Variants in ATP10B observed in about 807,000 individuals in gnomAD.
ATP10B encodes the protein ATPase phospholipid transporting 10B (putative), also known as phospholipid-transporting ATPase VB.
In ATP10B, 122 loss-of-function variants were observed where a neutral mutation model predicts 141.2. That is an observed-to-expected ratio of 0.86 (90% CI 0.75 to 1.00). The LOEUF (loss-of-function observed/expected upper bound fraction) is 1.00. Ranked by LOEUF, ATP10B falls within the 50% of genes least tolerant of loss-of-function variation. ATP10B has a pLI of 0.00. For synonymous variants in ATP10B, 685 were observed against 692.0 expected (o/e 0.99, Z 0.16); for missense variants, 1,876 against 1,825.3 (o/e 1.03, Z -0.51).
At chr5:160,826,575 G>A (rs1259865892) in intron 1 of ATP10B, among the ~76,000 whole-genome samples, 1 of 152,080 alleles carries the variant, frequency 6.6e-6, no homozygotes, top group Non-Finnish European at 1.5e-5. Flanking sequence ...CAGAATAACA[G>A]CGATTTTTAG....
chr5:160,575,378 G>A (rs1755127669), intron 24 of ATP10B, among the ~76,000 whole-genome samples: 1 of 151,752 alleles, frequency 6.6e-6, no homozygotes, highest in African/African-American at 2.4e-5. Flanking sequence ...GGTTTTTTAT[G>A]GCAGTGACAT....
chr5:160,708,119 G>A (rs753355765), intron 3 of ATP10B, among the ~76,000 whole-genome samples: 19 of 152,170 alleles, frequency 1.2e-4, no homozygotes, highest in Admixed American at 7.9e-4. Context: ...TGAGGCCACT[G>A]AGGCAGATCC....
chr5:160,860,426 T>C, the ATP10B span, among the ~76,000 whole-genome samples: 10 of 151,890 alleles, frequency 6.6e-5, no homozygotes, highest in Admixed American at 1.3e-4. Flanking sequence ...TTGTCTACCT[T>C]TCCCCAACAT....
At chr5:160,730,841 G>C (rs1766688696) in intron 2 of ATP10B, among the ~76,000 whole-genome samples, 1 of 152,126 alleles carries the variant, frequency 6.6e-6, no homozygotes, top group Non-Finnish European at 1.5e-5. Context: ...TAAGACAATT[G>C]AATTCTCTCC....
chr5:160,849,139 T>A (rs1753637537), intron 1 of ATP10B, among the ~76,000 whole-genome samples: 1 of 152,118 alleles, frequency 6.6e-6, no homozygotes, highest in South Asian at 2.1e-4. Flanking sequence ...AGGTTGTACT[T>A]GGGGAGGAGG....
chr5:160,655,422 G>T (rs1761423443), intron 7 of ATP10B, among the ~76,000 whole-genome samples: 1 of 151,998 alleles, frequency 6.6e-6, no homozygotes, highest in South Asian at 2.1e-4. Context: ...TCTCTGCCTA[G>T]ATCTGTGCAT....
intron 7 of ATP10B, among the ~76,000 whole-genome samples, chr5:160,658,096 AGTT>A (rs1761633953): frequency 6.6e-6 from 1 of 152,258 alleles, no homozygotes; most frequent in Admixed American, 6.5e-5. Flanking sequence ...AACTATATTA[AGTT>A]GTTCATGAGA....
In ATP10B at chr5:160,620,387, A is replaced by G. The variant is rs778033349; in HGVS notation, c.2376T>C (p.Ala792=). Reference sequence around the variant, plus strand: ...CCAGCAGGTCCATGATGACCGAGTCAGCACCCTTGGTGTAGACAACAATCT... The same window carrying G: ...CCAGCAGGTCCATGATGACCGAGTCGGCACCCTTGGTGTAGACAACAATCT... ...TGEIVVYTKG[A]DSVIMDLLED... is the part of the protein sequence containing the mutation. The change falls in exon 15 of 26, where the codon GCT becomes GCC. Residue 792 remains alanine, a synonymous_variant. Transcript: ENST00000327245. 3.7e-6 allele frequency: 6 copies of G among 1,613,760 alleles called. No individual in the cohort carries two copies. The Admixed American group carries it at 1.0e-4, about 27-fold the overall frequency.
chr5:160,701,671 A>G (rs1022015407), intron 3 of ATP10B, among the ~76,000 whole-genome samples: 5 of 150,284 alleles, frequency 3.3e-5, no homozygotes, highest in African/African-American at 1.2e-4. Context: ...GCAGTTACTC[A>G]TCTATCCCAG....
intron 13 of ATP10B, among the ~76,000 whole-genome samples, chr5:160,629,921 T>A (rs1190182755): frequency 6.6e-6 from 1 of 152,158 alleles, no homozygotes; most frequent in East Asian, 1.9e-4. Context: ...CTGGTGAGAA[T>A]TGTAAGTAAA....
In ATP10B at chr5:160,634,256, T is replaced by A. The variant is rs535421058; in HGVS notation, c.1381+98A>T. 27 of 1,571,808 alleles carry A rather than the reference T, an allele frequency of 1.7e-5. No homozygotes were observed. The African/African-American group carries it at 3.6e-4, about 21-fold the overall frequency. On this transcript the variant is annotated intron_variant, in intron 12 of 25. Coordinates refer to ENST00000327245, the MANE Select transcript of ATP10B (RefSeq NM_025153.3). The stretch of plus-strand genomic sequence containing the variant: ...ACTTGTGGAAATGCCACACAGCCTC[T>A]AAGAGAGCCAGGAGAATGTCTTTTA...
At chr5:160,724,583 C>T (rs1245674958) in intron 2 of ATP10B, among the ~76,000 whole-genome samples, 2 of 152,154 alleles carry the variant, frequency 1.3e-5, no homozygotes, top group African/African-American at 2.4e-5. Flanking sequence ...TACTGACAGC[C>T]CTATACATTC....
At chr5:160,881,778 T>C in the ATP10B span, among the ~76,000 whole-genome samples, 1 of 152,124 alleles carries the variant, frequency 6.6e-6, no homozygotes, top group South Asian at 2.1e-4. Flanking sequence ...GCCACTGCAC[T>C]CCAGCCTGGG....
At chr5:160,705,630 C>T (rs569746361) in intron 3 of ATP10B, among the ~76,000 whole-genome samples, 1 of 152,208 alleles carries the variant, frequency 6.6e-6, no homozygotes, top group Non-Finnish European at 1.5e-5. Flanking sequence ...TAGGGGCTTG[C>T]TCTGGATTAG....
chr5:160,883,811 TACA>T, the ATP10B span, among the ~76,000 whole-genome samples: 2 of 150,912 alleles, frequency 1.3e-5, no homozygotes, highest in African/African-American at 5.0e-5. Flanking sequence ...CCGTGGACTT[TACA>T]TTAAGTTATT....
chr5:160,818,303 G>A (rs986895889), intron 1 of ATP10B, among the ~76,000 whole-genome samples: 5 of 152,078 alleles, frequency 3.3e-5, no homozygotes, highest in Non-Finnish European at 7.4e-5. Flanking sequence ...AAATTTACAA[G>A]AACAAAACAA....
At chr5:160,769,237 C>A (rs1225587892) in intron 2 of ATP10B, among the ~76,000 whole-genome samples, 1 of 152,208 alleles carries the variant, frequency 6.6e-6, no homozygotes, top group Non-Finnish European at 1.5e-5. Context: ...TCTTCCTTCT[C>A]ACCTGAAAGC....
chr5:160,631,607 A>C (rs1758944227), intron 13 of ATP10B, among the ~76,000 whole-genome samples: 1 of 152,294 alleles, frequency 6.6e-6, no homozygotes, highest in Admixed American at 6.5e-5. Flanking sequence ...CTTCAAACAC[A>C]CATGCCTTAC....
intron 2 of ATP10B, among the ~76,000 whole-genome samples, chr5:160,758,202 C>A (rs531789499): frequency 6.6e-6 from 1 of 151,904 alleles, no homozygotes; most frequent in African/African-American, 2.4e-5. Context: ...TCCATCACAG[C>A]GGGTATTTAA....
Sources: gnomAD v4.1 joint callset for allele counts (sites outside exome capture counted in the v4.1 genomes callset) on GRCh38, gnomAD v4.1.1 for gene constraint, MANE v1.5 for transcripts, NCBI Gene and HGNC (gene_info 2026-07-23, HGNC 2026-07-21) for gene names.